GABPB2: variants seen among roughly 807,000 people sequenced by gnomAD.
GABPB2 encodes GA-binding protein subunit beta-2.
GABPB2 carries 23 observed loss-of-function variants against 39.1 expected under a neutral mutation model. The ratio of observed to expected loss-of-function variants is 0.59; its 90% CI spans 0.42 to 0.83. GABPB2 has a LOEUF of 0.83. GABPB2 is among the 40% of genes least tolerant of loss of function. The probability of loss-of-function intolerance (pLI) is 0.00; values close to 1 mark genes in which losing one functional copy is unlikely to be tolerated. For missense variants in GABPB2, 467 were observed against 541.1 expected, an observed-to-expected ratio of 0.86 and a Z score of 1.36; for synonymous variants, 184 against 199.3, an observed-to-expected ratio of 0.92 and a Z score of 0.65.
intron 3 of GABPB2, among the ~76,000 whole-genome samples, chr1:151,090,823 C>T (rs115161931): frequency 0.025 from 3,741 of 151,260 alleles, 71 homozygotes; most frequent in Non-Finnish European, 0.037. Context: ...GAAACCCCAT[C>T]GCTACTGAAA....
intron 2 of GABPB2, 71 bp from the exon 3 acceptor site, chr1:151,090,335 T>A: frequency 7.3e-7 from 1 of 1,367,618 alleles, no homozygotes. Flanking sequence ...AGCTTGTTCA[T>A]TTGTATCTCT....
chr1:151,087,750 A>G (rs964620033), intron 1 of GABPB2, among the ~76,000 whole-genome samples: 3 of 152,192 alleles, frequency 2.0e-5, no homozygotes, highest in Non-Finnish European at 4.4e-5. Flanking sequence ...TTAGTTGCTA[A>G]TAAGGGCTCT....
chr1:151,091,007 CAAAACAAAACAAA>C (rs1168628741), intron 3 of GABPB2, among the ~76,000 whole-genome samples: 44 of 148,272 alleles, frequency 3.0e-4, no homozygotes, highest in Non-Finnish European at 1.5e-5. Context: ...CAAAACAAAA[CAAAACAAAACAAA>C]AAAACAAAAA....
intron 7 of GABPB2, among the ~76,000 whole-genome samples, chr1:151,116,409 A>AG (rs954311075): frequency 6.6e-6 from 1 of 151,520 alleles, no homozygotes; most frequent in Non-Finnish European, 1.5e-5. Flanking sequence ...CTCAAAAAAA[A>AG]AAAAAAAACA....
chr1:151,075,716 C>A lies in GABPB2; in HGVS notation c.-1+4782C>A, dbSNP rs1032436095. 6.2e-5 allele frequency among the ~76,000 whole-genome samples: 9 copies of A among 145,296 alleles called. No homozygotes were observed. In the East Asian group the frequency reaches 7.7e-4, roughly 12 times the overall value. ...AGAGCGAGACTTCATCTCAAAAAAA[C>A]CCCCCCCAAAAAAACCCAAAAAAAC... is the stretch of plus-strand genomic sequence containing the variant. On this transcript the variant is annotated intron_variant, in intron 1 of 8. Coordinates refer to ENST00000368918, the MANE Select transcript of GABPB2 (RefSeq NM_144618.3).
rs587731366 is a variant in GABPB2, at chr1:151,094,176, C to T, written c.471+790C>T. On this transcript the variant is annotated intron_variant, in intron 4 of 8. Transcript: ENST00000368918. ...GAGGGATTCTTCCACCTTAGCCTCCCGAGCAGCTGGGACAATAGCCACACA... is the reference window on the plus strand; with the variant it reads ...GAGGGATTCTTCCACCTTAGCCTCCTGAGCAGCTGGGACAATAGCCACACA... 6.0e-5 allele frequency among the ~76,000 whole-genome samples: 9 copies of T among 150,348 alleles called. No homozygotes were observed. The East Asian group carries it at 7.9e-4, about 13-fold the overall frequency.
rs1351319169 is a variant in GABPB2 at position 151,123,953 on chromosome 1, G to C, written c.*5697G>C. 2 of 151,302 alleles carry C rather than the reference G, an allele frequency of 1.3e-5. No homozygotes were observed. The highest frequency in any genetic ancestry group is 4.9e-5 in the African/African-American group (2 of 41,146). The allele number at this position is 151,302 out of a possible 1,614,324, so 9.4% of individuals were successfully genotyped here. A position where few individuals can be genotyped will look rare whatever the true frequency, so the allele number is the denominator to read the frequency against. On this transcript the variant is annotated 3_prime_UTR_variant, in exon 9 of 9. Transcript: ENST00000368918. Reference sequence around the variant, plus strand: ...CCCAGCACTTTGGGAGGCCGAGATGGGAGGATCACTTGAGGCCAGGCCAGC... The same window carrying C: ...CCCAGCACTTTGGGAGGCCGAGATGCGAGGATCACTTGAGGCCAGGCCAGC...
At chr1:151,113,549 A>G (rs905340785) in intron 7 of GABPB2, among the ~76,000 whole-genome samples, 1 of 151,888 alleles carries the variant, frequency 6.6e-6, no homozygotes, top group Non-Finnish European at 1.5e-5. Context: ...TAAAATAATC[A>G]TAATATATCC....
intron 5 of GABPB2, among the ~76,000 whole-genome samples, chr1:151,102,643 T>C (rs1679627531): frequency 1.3e-5 from 2 of 152,108 alleles, no homozygotes; most frequent in Non-Finnish European, 2.9e-5. Flanking sequence ...GGTTTCACCT[T>C]GTTGGCCAGG....
Position 151,107,020 on chromosome 1 carries a change from G to T in GABPB2, c.737-17G>T. ...TTTAAAAAGCTGAAATTTTAAATTT[G>T]CTTTTGTCATCTCTAGCCAATACAG... is the stretch of plus-strand genomic sequence containing the variant. On this transcript the variant is annotated splice_polypyrimidine_tract_variant and intron_variant, in intron 6 of 8. Coordinates refer to ENST00000368918, the MANE Select transcript of GABPB2 (RefSeq NM_144618.3). 6.5e-7 allele frequency: 1 copy of T among 1,541,362 alleles called. No homozygotes were observed. Among genetic ancestry groups the T allele is most frequent in the South Asian group, 1.2e-5 (1 of 81,422 alleles).
intron 6 of GABPB2, among the ~76,000 whole-genome samples, chr1:151,104,312 T>C (rs1392911453): frequency 6.6e-6 from 1 of 152,218 alleles, no homozygotes; most frequent in Non-Finnish European, 1.5e-5. Context: ...CAGTAGACAT[T>C]TAGAAATCTG....
intron 6 of GABPB2, among the ~76,000 whole-genome samples, chr1:151,104,877 T>C (rs941046720): frequency 6.7e-6 from 1 of 150,248 alleles, no homozygotes; most frequent in Non-Finnish European, 1.5e-5. Context: ...TCCCTCCCTC[T>C]CTCTCTCTCT....
chr1:151,107,222 G>C lies in GABPB2; in HGVS notation c.922G>C (p.Val308Leu), dbSNP rs746262553. 3 of 1,564,472 alleles carry C rather than the reference G, an allele frequency of 1.9e-6. No individual in the cohort carries two copies. The South Asian group carries it at 3.6e-5, about 19-fold the overall frequency. Residue 308 changes from valine (V) to leucine (L), a missense_variant and splice_region_variant, in exon 7 of 9, where the codon GTT (valine) becomes CTT (leucine). Physicochemically the swap from Val to Leu is conservative, Grantham distance 32. Transcript: ENST00000368918. ...TGTAACTGTGCAAGATGGACAGCAA[G>C]GTGAGTTATCTCTTGTAGACAATTG... is the stretch of plus-strand genomic sequence containing the variant. ...FIVTVQDGQQ[V>L]LTVPAGKVAE...
rs1490495279 is a variant in GABPB2 at position 151,091,472 on chromosome 1, A to C, written c.276+899A>C. 6.2e-3 allele frequency among the ~76,000 whole-genome samples: 897 copies of C among 143,544 alleles called. 28 individuals carry two copies. The highest frequency in any genetic ancestry group is 0.022 in the African/African-American group (830 of 38,324). 94.2% of individuals were successfully genotyped at this position (143,544 alleles called of 152,430 possible). ...TGGCTCACTCCTGTGTCTCAAAAAAAAAAAAAAAAAAAAAAAAAAAAAGAT... is the reference window on the plus strand; with the variant it reads ...TGGCTCACTCCTGTGTCTCAAAAAACAAAAAAAAAAAAAAAAAAAAAAGAT... On this transcript the variant is annotated intron_variant, in intron 3 of 8. Coordinates refer to ENST00000368918, the MANE Select transcript of GABPB2 (RefSeq NM_144618.3).
chr1:151,107,258 G>C (rs1296102341), intron 7 of GABPB2, 36 bp downstream of exon 7: 1 of 1,344,096 alleles, frequency 7.4e-7, no homozygotes, highest in East Asian at 2.7e-5. Flanking sequence ...TTTATTAAAA[G>C]ATATTTTAGA....
At chr1:151,084,561 G>T (rs139324769) in intron 1 of GABPB2, among the ~76,000 whole-genome samples, 2,284 of 110,922 alleles carry the variant, frequency 0.021, 74 homozygotes, top group African/African-American at 0.076. Context: ...TTGAGACGGA[G>T]TCTCACTCTG....
In GABPB2 at chr1:151,083,655, T is replaced by TATA. The variant is rs368501073; in HGVS notation, c.1-4535_1-4534insATA. On this transcript the variant is annotated intron_variant, in intron 1 of 8. Coordinates refer to ENST00000368918, the MANE Select transcript of GABPB2 (RefSeq NM_144618.3). ...TCTCTATAGAGAGAAAAAAAAAAAA[T>TATA]TATATATATATATATGTATATATAC... Among the ~76,000 whole-genome samples, 507 of 145,612 alleles carry TATA rather than the reference T, an allele frequency of 3.5e-3. 2 individuals are homozygous for TATA. Among genetic ancestry groups the TATA allele is most frequent in the African/African-American group, 0.013 (488 of 37,222 alleles).
rs1678361242 is a variant in GABPB2 at position 151,088,180 on chromosome 1, A to G, written c.1-10A>G. 2 of 1,606,390 alleles carry G rather than the reference A, an allele frequency of 1.2e-6. No individual in the cohort carries two copies. The highest frequency in any genetic ancestry group is 1.7e-6 in the Non-Finnish European group (2 of 1,173,146). ...TAGCTACCTGAAAACTTTTGTTCCT[A>G]TGCATAAAGATGTCTTTGGTGGACT... On this transcript the variant is annotated splice_polypyrimidine_tract_variant and intron_variant, in intron 1 of 8. Transcript: ENST00000368918.
At chr1:151,074,074 C>T (rs912598656) in intron 1 of GABPB2, among the ~76,000 whole-genome samples, 2 of 132,764 alleles carry the variant, frequency 1.5e-5, no homozygotes, top group African/African-American at 2.8e-5. Context: ...CTTCCTAGTT[C>T]ATGCCATTCT....
Sources: allele counts gnomAD v4.1 joint callset (sites outside exome capture counted in the v4.1 genomes callset), GRCh38; gene constraint gnomAD v4.1.1; transcripts MANE v1.5; gene names NCBI Gene and HGNC (gene_info 2026-07-23, HGNC 2026-07-21).